Variants in ABLIM1 observed in about 807,000 individuals in gnomAD.
ABLIM1 encodes actin-binding LIM protein 1.
A neutral mutation model predicts 107.0 loss-of-function variants in ABLIM1; 40 were observed. The observed-to-expected ratio is 0.37, with a 90% CI of 0.29 to 0.49. ABLIM1 has a LOEUF of 0.49. Among genes scored for constraint, ABLIM1 ranks in the 20% least tolerant of loss-of-function variants. ABLIM1 has a pLI of 0.97. For synonymous variants in ABLIM1, 357 were observed against 357.3 expected (o/e 1.00, Z 0.01); for missense variants, 857 against 1,008.5 (o/e 0.85, Z 2.04).
chr10:114,538,309 C>T (rs1177227836), intron 6 of ABLIM1, among the ~76,000 whole-genome samples: 1 of 152,188 alleles, frequency 6.6e-6, no homozygotes, highest in Non-Finnish European at 1.5e-5. Flanking sequence ...ATTTCCTTCA[C>T]CCCAGGAGTT....
chr10:114,664,089 G>T (rs2079907858), intron 1 of ABLIM1, among the ~76,000 whole-genome samples: 1 of 152,204 alleles, frequency 6.6e-6, no homozygotes, highest in Non-Finnish European at 1.5e-5. Flanking sequence ...GCTATTATCA[G>T]GGCTTCTCGC....
At chr10:114,562,935 G>A (rs2069985137) in intron 4 of ABLIM1, among the ~76,000 whole-genome samples, 1 of 152,178 alleles carries the variant, frequency 6.6e-6, no homozygotes, top group Non-Finnish European at 1.5e-5. Context: ...ATACCAGGAG[G>A]TAACAGGGCT....
At chr10:114,486,025 C>T (rs2058139380) in intron 8 of ABLIM1, among the ~76,000 whole-genome samples, 1 of 152,166 alleles carries the variant, frequency 6.6e-6, no homozygotes, top group South Asian at 2.1e-4. Context: ...ACTGTCCTGA[C>T]CTCCCACGTA....
intron 10 of ABLIM1, among the ~76,000 whole-genome samples, chr10:114,468,423 G>GTATA (rs1565419835): frequency 1.4e-5 from 1 of 72,686 alleles, no homozygotes; most frequent in African/African-American, 4.9e-5. Context: ...TACAGGCGCC[G>GTATA]CCACCACCCC....
At chr10:114,699,936 A>G (rs1309207598) in intron 1 of ABLIM1, among the ~76,000 whole-genome samples, 1 of 152,148 alleles carries the variant, frequency 6.6e-6, no homozygotes, top group Admixed American at 6.5e-5. Context: ...TCCATGAGAG[A>G]ATTAAGCAAA....
At chr10:114,480,100 C>T (rs182291779) in intron 8 of ABLIM1, among the ~76,000 whole-genome samples, 1 of 152,248 alleles carries the variant, frequency 6.6e-6, no homozygotes, top group African/African-American at 2.4e-5. Flanking sequence ...ATTAACCCAA[C>T]CCTATCATCA....
chr10:114,571,790 C>T (rs375788114), intron 3 of ABLIM1, among the ~76,000 whole-genome samples: 1 of 152,178 alleles, frequency 6.6e-6, no homozygotes, highest in Non-Finnish European at 1.5e-5. Flanking sequence ...TAAGGCCCTG[C>T]CCCAGGAGAC....
chr10:114,528,276 G>T (rs1187458540), intron 6 of ABLIM1, among the ~76,000 whole-genome samples: 1 of 152,122 alleles, frequency 6.6e-6, no homozygotes, highest in Non-Finnish European at 1.5e-5. Context: ...TGCCACGTTT[G>T]TCATTTTTAA....
intron 1 of ABLIM1, among the ~76,000 whole-genome samples, chr10:114,656,102 C>G (rs2079500077): frequency 6.6e-6 from 1 of 152,014 alleles, no homozygotes; most frequent in Non-Finnish European, 1.5e-5. Flanking sequence ...GAAACCCCAT[C>G]TCTACTAAAA....
chr10:114,728,522 A>C (rs1438669352), intron 1 of ABLIM1, among the ~76,000 whole-genome samples: 2 of 151,550 alleles, frequency 1.3e-5, no homozygotes, highest in African/African-American at 4.9e-5. Flanking sequence ...GCAGTAAAAA[A>C]AAAAAAAAAA....
At chr10:114,463,134 G>A (rs1338133136) in intron 12 of ABLIM1, 24 of 1,313,788 alleles carry the variant, frequency 1.8e-5, no homozygotes, top group Admixed American at 2.2e-5. Flanking sequence ...GCGCAGGTAC[G>A]ACAACCTCTG....
At chr10:114,454,837 T>A (rs1369174826) in intron 12 of ABLIM1, among the ~76,000 whole-genome samples, 2 of 152,202 alleles carry the variant, frequency 1.3e-5, no homozygotes, top group Admixed American at 6.5e-5. Flanking sequence ...AAGAGCTCTT[T>A]ATATATTCTG....
chr10:114,489,764 C>T lies in ABLIM1; in HGVS notation c.983-1748G>A, dbSNP rs1189323694. ...GGTCAGGCACACAAGGAATGTGACT[C>T]GGACAGAACATCAGATGCTGAAGAA... On this transcript the variant is annotated intron_variant, in intron 7 of 22. Transcript: ENST00000533213. 4.6e-5 allele frequency among the ~76,000 whole-genome samples: 7 copies of T among 152,100 alleles called. No homozygotes were observed. In the South Asian group the frequency reaches 6.2e-4, roughly 14 times the overall value.
At chr10:114,546,800 A>C (rs2067405786) in intron 5 of ABLIM1, among the ~76,000 whole-genome samples, 1 of 151,954 alleles carries the variant, frequency 6.6e-6, no homozygotes, top group African/African-American at 2.4e-5. Context: ...TTATTTTTTG[A>C]GACAAGGTCT....
chr10:114,685,639 C>T (rs1053535359), upstream of ABLIM1, among the ~76,000 whole-genome samples: 28 of 152,146 alleles, frequency 1.8e-4, no homozygotes, highest in East Asian at 5.8e-4. Context: ...TAGCACCAGG[C>T]GCCAGACAAA....
intron 6 of ABLIM1, among the ~76,000 whole-genome samples, chr10:114,539,158 G>A (rs1281802833): frequency 6.6e-6 from 1 of 152,218 alleles, no homozygotes. Flanking sequence ...AGGAGTTCAG[G>A]ACCAGCCTGG....
At chr10:114,729,734 T>C (rs808355) in intron 1 of ABLIM1, among the ~76,000 whole-genome samples, 109,922 of 151,966 alleles carry the variant, frequency 0.72, 39,984 homozygotes, top group African/African-American at 0.76. Flanking sequence ...GCAAAACTCC[T>C]TTCTAATGGT....
intron 1 of ABLIM1, among the ~76,000 whole-genome samples, chr10:114,652,320 TG>T (rs1464851430): frequency 6.6e-6 from 1 of 152,158 alleles, no homozygotes; most frequent in African/African-American, 2.4e-5. Flanking sequence ...GATTAGTGAA[TG>T]GGGTAAGAAG....
chr10:114,541,677 G>A (rs10787535), intron 6 of ABLIM1, among the ~76,000 whole-genome samples: 61,755 of 152,102 alleles, frequency 0.41, 13,761 homozygotes, highest in Non-Finnish European at 0.51. Flanking sequence ...TGAAAGCCCC[G>A]CATGGAAAGT....
Sources: gnomAD v4.1 joint callset for allele counts (sites outside exome capture counted in the v4.1 genomes callset) on GRCh38, gnomAD v4.1.1 for gene constraint, MANE v1.5 for transcripts, NCBI Gene and HGNC (gene_info 2026-07-23, HGNC 2026-07-21) for gene names.